DECR1: variants seen among roughly 807,000 people sequenced by gnomAD.
DECR1 encodes 2,4-dienoyl-CoA reductase 1.
Under a neutral mutation model 38.8 loss-of-function variants are expected in DECR1, and 44 were observed. The observed-to-expected ratio is 1.13, with a 90% confidence interval of 0.89 to 1.46. The LOEUF (loss-of-function observed/expected upper bound fraction) is 1.46, where lower values mean the gene tolerates loss of function less well. DECR1 is among the 40% of genes most tolerant of loss of function. The pLI is 0.00. For synonymous variants in DECR1, 148 were observed against 135.2 expected (o/e 1.09, Z -0.66); for missense variants, 428 against 405.5 (o/e 1.06, Z -0.48).
intron 1 of DECR1, among the ~76,000 whole-genome samples, chr8:90,012,309 C>T (rs572877621): frequency 1.1e-4 from 17 of 151,966 alleles, no homozygotes; most frequent in Admixed American, 2.0e-4. Context: ...CATGCCACCA[C>T]GCCCGGCTAA....
At chr8:90,034,507 A>G (rs1274257201) in intron 5 of DECR1, among the ~76,000 whole-genome samples, 1 of 152,064 alleles carries the variant, frequency 6.6e-6, no homozygotes, top group African/African-American at 2.4e-5. Flanking sequence ...ACTGGAGTGC[A>G]CTGGCATCAT....
At chr8:90,041,899 T>G (rs1216093726) in intron 6 of DECR1, among the ~76,000 whole-genome samples, 1 of 152,148 alleles carries the variant, frequency 6.6e-6, no homozygotes, top group Non-Finnish European at 1.5e-5. Context: ...CTTCCTCATT[T>G]GCATTATATG....
intron 6 of DECR1, among the ~76,000 whole-genome samples, chr8:90,040,349 A>C (rs888146078): frequency 4.6e-5 from 7 of 152,198 alleles, no homozygotes; most frequent in African/African-American, 1.7e-4. Flanking sequence ...TTCATGGATT[A>C]AGTCAGATTA....
At position 90,042,853 on chromosome 8, in the gene DECR1, C is replaced by A. The variant is rs1813797767; in HGVS notation, c.738+53C>A. 2.1e-6 allele frequency: 3 copies of A among 1,422,924 alleles called. No individual in the cohort carries two copies. In the South Asian group the frequency reaches 3.4e-5, roughly 16 times the overall value. 88.1% of individuals were successfully genotyped at this position (1,422,924 alleles called of 1,614,324 possible). A position where few individuals can be genotyped will look rare whatever the true frequency, so the allele number is the denominator to read the frequency against. ...TTGTGAATGATTAAATAATGAAACACTGATAGGTATATTCTGGTTGTTGTG... is the reference window on the plus strand; with the variant it reads ...TTGTGAATGATTAAATAATGAAACAATGATAGGTATATTCTGGTTGTTGTG... On this transcript the variant is annotated intron_variant, in intron 7 of 9. Transcript: ENST00000220764.
Position 90,017,104 on chromosome 8 carries a change from A to T in DECR1, c.70-20A>T. 6.4e-7 allele frequency: 1 copy of T among 1,574,486 alleles called. No homozygotes were observed. Among genetic ancestry groups the T allele is most frequent in the Non-Finnish European group, 8.7e-7 (1 of 1,149,292 alleles). The stretch of plus-strand genomic sequence containing the variant: ...TTGGAAATATATGTATGCAAATTTA[A>T]ATTCATTTTCCCCTTTTAGTTTTTC... On this transcript the variant is annotated intron_variant, in intron 1 of 9. Coordinates refer to ENST00000220764, the MANE Select transcript of DECR1 (RefSeq NM_001359.2).
intron 5 of DECR1, among the ~76,000 whole-genome samples, chr8:90,028,825 A>G (rs1813420744): frequency 6.6e-6 from 1 of 151,460 alleles, no homozygotes; most frequent in Admixed American, 6.6e-5. Context: ...GCTTTGTTCT[A>G]AGTGCTAAAT....
intron 5 of DECR1, among the ~76,000 whole-genome samples, chr8:90,024,717 A>C (rs548318014): frequency 6.6e-6 from 1 of 152,218 alleles, no homozygotes; most frequent in South Asian, 2.1e-4. Context: ...GAAGCTCTTT[A>C]GTTTAATTAG....
intron 8 of DECR1, 50 bp downstream of exon 8, chr8:90,045,045 G>T: frequency 6.2e-7 from 1 of 1,604,084 alleles, no homozygotes; most frequent in South Asian, 1.1e-5. Flanking sequence ...TGTGTTTGGG[G>T]CAGGGAGGTC....
intron 1 of DECR1, among the ~76,000 whole-genome samples, chr8:90,004,638 A>G (rs2129990726): frequency 6.6e-6 from 1 of 152,238 alleles, no homozygotes; most frequent in East Asian, 1.9e-4. Context: ...AAAACCAACT[A>G]GATGTGTTTT....
At chr8:90,038,136 C>T (rs916981973) in intron 6 of DECR1, among the ~76,000 whole-genome samples, 16 of 152,138 alleles carry the variant, frequency 1.1e-4, no homozygotes, top group Non-Finnish European at 1.5e-4. Context: ...GAACAGTCCT[C>T]GTTGTTAGCT....
chr8:90,021,056 G>A lies in DECR1; in HGVS notation c.565G>A (p.Gly189Arg). The change falls in exon 5 of 10, where the codon GGA becomes AGA. Residue 189 changes from glycine (G) to arginine (R), a missense_variant and splice_region_variant. Transcript: ENST00000220764. ...AAAACAACTAATTAAAGCACAGAAA[G>A]GTATGTTTATTTGCTTTTCTCATAT... ...IGKQLIKAQK[G>R]AAFLSITTIY... 1.9e-6 allele frequency: 3 copies of A among 1,570,272 alleles called. 1 individual carries two copies. In the South Asian group the frequency reaches 3.6e-5, roughly 19 times the overall value.
intron 5 of DECR1, among the ~76,000 whole-genome samples, chr8:90,022,158 A>G (rs1479198748): frequency 6.6e-6 from 1 of 152,184 alleles, no homozygotes; most frequent in Non-Finnish European, 1.5e-5. Flanking sequence ...AAGCGTTCTC[A>G]TGCTCCTCAG....
intron 2 of DECR1, among the ~76,000 whole-genome samples, chr8:90,018,010 C>T (rs2130048335): frequency 6.6e-6 from 1 of 152,254 alleles, no homozygotes; most frequent in Middle Eastern, 3.4e-3. Context: ...CCTCGGCCTT[C>T]CGAGTAGCTG....
rs1234211495 is a variant in DECR1 at position 90,030,109 on chromosome 8, G to A, written c.566-6732G>A. Among the ~76,000 whole-genome samples the A allele has an allele frequency of 3.3e-5, 5 of 152,138 alleles. No individual in the cohort carries two copies. The East Asian group carries it at 9.6e-4, about 29-fold the overall frequency. On this transcript the variant is annotated intron_variant, in intron 5 of 9. Transcript: ENST00000220764. ...GGCATTAGAGTATCATAAGGAATGT[G>A]CAAGCTAGATTCCTTGCATGTGTAG...
intron 5 of DECR1, among the ~76,000 whole-genome samples, chr8:90,032,810 C>G (rs1813531288): frequency 1.3e-5 from 2 of 152,150 alleles, no homozygotes; most frequent in South Asian, 4.1e-4. Flanking sequence ...GGCTGGGTTG[C>G]CTGTTGGAGT....
chr8:90,020,833 T>A, intron 4 of DECR1, 76 bp from the exon 5 acceptor site: 1 of 1,226,878 alleles, frequency 8.2e-7, no homozygotes, highest in Non-Finnish European at 1.1e-6. Flanking sequence ...ATTAATACAT[T>A]TCAGAAAAAA....
chr8:90,042,857 T>C (rs2130151235), intron 7 of DECR1, 57 bp downstream of exon 7: 4 of 1,415,608 alleles, frequency 2.8e-6, no homozygotes, highest in Non-Finnish European at 3.0e-6. Flanking sequence ...GAAACACTGA[T>C]AGGTATATTC....
At chr8:90,025,782 G>A (rs556937670) in intron 5 of DECR1, among the ~76,000 whole-genome samples, 58 of 152,208 alleles carry the variant, frequency 3.8e-4, no homozygotes, top group African/African-American at 8.4e-4. Flanking sequence ...GTGAGAGAGG[G>A]CATCCCTGTC....
chr8:90,015,670 G>C (rs1307746982), intron 1 of DECR1: 3 of 456,152 alleles, frequency 6.6e-6, no homozygotes, highest in East Asian at 1.4e-4. Flanking sequence ...GGAAATGGTA[G>C]CTTCTGGAGT....
Sources: allele counts gnomAD v4.1 joint callset (sites outside exome capture counted in the v4.1 genomes callset), GRCh38; gene constraint gnomAD v4.1.1; transcripts MANE v1.5; gene names NCBI Gene and HGNC (gene_info 2026-07-23, HGNC 2026-07-21).